The following TACR1 variants were observed in gnomAD, a reference collection of about 807,000 sequenced individuals.
TACR1 encodes the protein substance-P receptor.
In TACR1, 25 loss-of-function variants were observed where a neutral mutation model predicts 35.8. That is an observed-to-expected ratio of 0.70 (90% CI 0.51 to 0.98). TACR1 has a LOEUF of 0.98. TACR1 is among the 50% of genes least tolerant of loss of function. TACR1 has a pLI of 0.00. For missense variants in TACR1, 478 were observed against 522.9 expected, an observed-to-expected ratio of 0.91 and a Z score of 0.84; for synonymous variants, 195 against 206.7, an observed-to-expected ratio of 0.94 and a Z score of 0.48.
chr2:75,091,705 C>A (rs371425939), intron 2 of TACR1, among the ~76,000 whole-genome samples: 120 of 152,262 alleles, frequency 7.9e-4, no homozygotes, highest in African/African-American at 2.7e-3. Context: ...CTAGGCACAA[C>A]AAATGACCTG....
intron 2 of TACR1, among the ~76,000 whole-genome samples, chr2:75,058,389 T>C (rs1558538676): frequency 6.6e-6 from 1 of 152,234 alleles, no homozygotes; most frequent in Non-Finnish European, 1.5e-5. Flanking sequence ...GGCTCTATGC[T>C]TGCTTTGGCT....
chr2:75,142,727 G>A (rs760737391), intron 1 of TACR1, among the ~76,000 whole-genome samples: 6 of 152,150 alleles, frequency 3.9e-5, no homozygotes, highest in Non-Finnish European at 7.4e-5. Flanking sequence ...AAGGTTACCA[G>A]AGGAGAGGGC....
intron 2 of TACR1, among the ~76,000 whole-genome samples, chr2:75,081,187 G>T (rs1402480226): frequency 6.6e-6 from 1 of 152,126 alleles, no homozygotes; most frequent in African/African-American, 2.4e-5. Context: ...ATAGAAACAC[G>T]ATGTAAATTA....
intron 1 of TACR1, chr2:75,187,321 G>T (rs1366622239): frequency 6.6e-6 from 1 of 152,226 alleles, no homozygotes; most frequent in East Asian, 1.9e-4. Context: ...TTCTGCCTGT[G>T]ACAGGAAAAG....
chr2:75,186,314 G>A (rs1675696225), intron 1 of TACR1, among the ~76,000 whole-genome samples: 1 of 145,072 alleles, frequency 6.9e-6, no homozygotes, highest in African/African-American at 2.6e-5. Flanking sequence ...GGAAGTTGCA[G>A]TGAGCTGAGA....
intron 2 of TACR1, chr2:75,118,881 A>G (rs1210401080): frequency 2.6e-5 from 4 of 152,030 alleles, no homozygotes; most frequent in African/African-American, 7.3e-5. Context: ...CAGGTTCTGT[A>G]TGGCTTGTAA....
chr2:75,149,023 G>A (rs1334780598), intron 1 of TACR1, among the ~76,000 whole-genome samples: 1 of 152,182 alleles, frequency 6.6e-6, no homozygotes, highest in African/African-American at 2.4e-5. Context: ...TCAAAGATCA[G>A]ATAGTTTTAG....
intron 1 of TACR1, among the ~76,000 whole-genome samples, chr2:75,133,993 C>T (rs1326126176): frequency 6.6e-6 from 1 of 152,152 alleles, no homozygotes; most frequent in Non-Finnish European, 1.5e-5. Context: ...TCTGGTCGTC[C>T]TCACTGTTAC....
chr2:75,192,533 G>T (rs1329658414), intron 1 of TACR1, among the ~76,000 whole-genome samples: 1 of 152,178 alleles, frequency 6.6e-6, no homozygotes, highest in Non-Finnish European at 1.5e-5. Context: ...TTTTATTTGG[G>T]TGGAAAATTG....
intron 2 of TACR1, among the ~76,000 whole-genome samples, chr2:75,114,895 G>A (rs749045986): frequency 4.6e-5 from 7 of 152,170 alleles, no homozygotes; most frequent in Non-Finnish European, 8.8e-5. Context: ...TATAATGTTA[G>A]CATAATTATC....
At chr2:75,117,606 C>T (rs184643972) in intron 2 of TACR1, among the ~76,000 whole-genome samples, 206 of 152,248 alleles carry the variant, frequency 1.4e-3, no homozygotes, top group African/African-American at 4.7e-3. Context: ...AGCTGCTCCT[C>T]GACTTACAAT....
intron 2 of TACR1, among the ~76,000 whole-genome samples, chr2:75,119,153 A>G (rs933560350): frequency 1.3e-5 from 2 of 152,222 alleles, no homozygotes; most frequent in African/African-American, 4.8e-5. Flanking sequence ...AATGACAGGT[A>G]TGGTGTCCCA....
At chr2:75,194,249 C>A (rs1301729790) in intron 1 of TACR1, among the ~76,000 whole-genome samples, 1 of 152,098 alleles carries the variant, frequency 6.6e-6, no homozygotes, top group Non-Finnish European at 1.5e-5. Flanking sequence ...ATCTAAATGA[C>A]CCATCTGAGA....
At chr2:75,143,659 T>G (rs768504519) in intron 1 of TACR1, among the ~76,000 whole-genome samples, 1 of 152,146 alleles carries the variant, frequency 6.6e-6, no homozygotes, top group Admixed American at 6.5e-5. Flanking sequence ...GATTACTAAC[T>G]CCAACGGTCT....
At chr2:75,070,050 C>G (rs1179221839) in intron 2 of TACR1, among the ~76,000 whole-genome samples, 1 of 152,088 alleles carries the variant, frequency 6.6e-6, no homozygotes, top group African/African-American at 2.4e-5. Flanking sequence ...TTTGTCTATT[C>G]TATCTCATTT....
intron 2 of TACR1, among the ~76,000 whole-genome samples, chr2:75,099,522 C>T (rs1673491428): frequency 6.6e-6 from 1 of 152,160 alleles, no homozygotes; most frequent in Non-Finnish European, 1.5e-5. Context: ...AATTCCCTTA[C>T]TCTTTCCTCC....
In TACR1 at chr2:75,051,387, T is replaced by A; in HGVS notation, c.796A>T (p.Ile266Phe). The A allele has an allele frequency of 6.2e-7, 1 of 1,614,150 alleles. No individual in the cohort carries two copies. Among genetic ancestry groups the A allele is most frequent in the Non-Finnish European group, 8.5e-7 (1 of 1,180,014 alleles). ...TFAICWLPFHIFFLLPYINPD... is the reference protein window; with the variant it reads ...TFAICWLPFHFFFLLPYINPD... ...TTGATGTAGGGCAGGAGGAAGAAGATGTGGAAGGGCAGCCAGCAGATGGCG... is the reference window on the plus strand; with the variant it reads ...TTGATGTAGGGCAGGAGGAAGAAGAAGTGGAAGGGCAGCCAGCAGATGGCG... Residue 266 changes from isoleucine to phenylalanine, a missense_variant, in exon 4 of 5, where the codon ATC becomes TTC. Physicochemically the swap from Ile to Phe is conservative, Grantham distance 21. Transcript: ENST00000305249.
intron 2 of TACR1, among the ~76,000 whole-genome samples, chr2:75,108,675 A>G (rs1673695503): frequency 6.6e-6 from 1 of 152,228 alleles, no homozygotes; most frequent in South Asian, 2.1e-4. Context: ...CATAACCACT[A>G]GAAAGATGGA....
intron 1 of TACR1, among the ~76,000 whole-genome samples, chr2:75,160,574 T>G (rs1339646042): frequency 6.6e-6 from 1 of 151,528 alleles, no homozygotes. Context: ...CTGAAAGAGT[T>G]AAAAATGCAG....
Sources: gnomAD v4.1 joint callset for allele counts (sites outside exome capture counted in the v4.1 genomes callset) on GRCh38, gnomAD v4.1.1 for gene constraint, MANE v1.5 for transcripts, NCBI Gene and HGNC (gene_info 2026-07-23, HGNC 2026-07-21) for gene names.